Variants in HS3ST1 observed in about 807,000 individuals in gnomAD.
The protein encoded by HS3ST1 is heparan sulfate-glucosamine 3-sulfotransferase 1.
A neutral mutation model predicts 20.7 loss-of-function variants in HS3ST1; 8 were observed. The observed-to-expected ratio is 0.39, with a 90% CI of 0.23 to 0.70. HS3ST1 has a LOEUF of 0.70. Ranked by LOEUF, HS3ST1 falls within the 30% of genes least tolerant of loss-of-function variation. The probability of loss-of-function intolerance (pLI) is 0.46; values close to 1 mark genes in which losing one functional copy is unlikely to be tolerated. For synonymous variants in HS3ST1, 205 were observed against 190.4 expected, an observed-to-expected ratio of 1.08 and a Z score of -0.63; for missense variants, 436 against 423.4, an observed-to-expected ratio of 1.03 and a Z score of -0.26.
rs959097153 is a variant in HS3ST1, at chr4:11,394,605, C to G, written c.*4477G>C. 2 of 152,180 alleles carry G rather than the reference C, an allele frequency of 1.3e-5. No homozygotes were observed. Among genetic ancestry groups the G allele is most frequent in the African/African-American group, 4.8e-5 (2 of 41,428 alleles). The allele number at this position is 152,180 out of a possible 1,614,324, so 9.4% of individuals were successfully genotyped here. A position where few individuals can be genotyped will look rare whatever the true frequency, so the allele number is the denominator to read the frequency against. On this transcript the variant is annotated 3_prime_UTR_variant, in exon 2 of 2. Coordinates refer to ENST00000002596, the MANE Select transcript of HS3ST1 (RefSeq NM_005114.4). ...GCTTGAAGGTAATCTTGATATCACC[C>G]TAACTGTCCAACTCCAAATCCTAGA... is the stretch of plus-strand genomic sequence containing the variant.
intron 1 of HS3ST1, among the ~76,000 whole-genome samples, chr4:11,402,807 TGAG>T: frequency 6.6e-6 from 1 of 152,242 alleles, no homozygotes; most frequent in Non-Finnish European, 1.5e-5. Flanking sequence ...AACTCTAACC[TGAG>T]GCATCCTGGT....
rs754885429 is a variant in HS3ST1 at position 11,398,283 on chromosome 4, G to C, written c.*799C>G. ...CAGGATGAAGACACGCATAGATTTC[G>C]CAGTTTCTCTTTTCTATTCTAATTG... On this transcript the variant is annotated 3_prime_UTR_variant, in exon 2 of 2. Coordinates refer to ENST00000002596, the MANE Select transcript of HS3ST1 (RefSeq NM_005114.4). The C allele has an allele frequency of 1.3e-5, 2 of 152,164 alleles. No individual in the cohort carries two copies. The highest frequency in any genetic ancestry group is 2.9e-5 in the Non-Finnish European group (2 of 68,046). 9.4% of individuals were successfully genotyped at this position (152,164 alleles called of 1,614,324 possible).
chr4:11,414,589 G>A (rs140628758), intron 1 of HS3ST1, among the ~76,000 whole-genome samples: 1 of 152,232 alleles, frequency 6.6e-6, no homozygotes, highest in Non-Finnish European at 1.5e-5. Flanking sequence ...ACCAGCTAGC[G>A]TGAACACTCA....
intron 1 of HS3ST1, among the ~76,000 whole-genome samples, chr4:11,408,950 A>G (rs1718541541): frequency 6.6e-6 from 1 of 152,214 alleles, no homozygotes; most frequent in Non-Finnish European, 1.5e-5. Flanking sequence ...GATGGTGAGT[A>G]CCCACAAATC....
At chr4:11,431,653 A>G (rs1356657062), upstream of HS3ST1, among the ~76,000 whole-genome samples, 1 of 152,220 alleles carries the variant, frequency 6.6e-6, no homozygotes, top group Admixed American at 6.5e-5. Context: ...GAGTTAACAC[A>G]GTTGTAAACT....
chr4:11,401,074 A>C (rs1271240766), intron 1 of HS3ST1, among the ~76,000 whole-genome samples: 1 of 152,224 alleles, frequency 6.6e-6, no homozygotes, highest in Non-Finnish European at 1.5e-5. Context: ...GACTGTAGGC[A>C]TCAGGGAGAT....
rs1383456325 is a variant in HS3ST1 at position 11,399,530 on chromosome 4, TG to T, written c.475del (p.Gln159LysfsTer77). 6.2e-7 allele frequency: 1 copy of T among 1,613,766 alleles called. No individual in the cohort carries two copies. Among genetic ancestry groups the T allele is most frequent in the African/African-American group, 1.3e-5 (1 of 74,898 alleles). On this transcript the variant is annotated frameshift_variant, in exon 2 of 2. Coordinates refer to ENST00000002596, the MANE Select transcript of HS3ST1 (RefSeq NM_005114.4). LOFTEE classifies it high-confidence loss of function. The surrounding 1 kb of genome is among the most constrained non-coding windows in gnomAD (Gnocchi z 5.1). ...PSERVLSDYT[Q>X]VFYNHMQKHK... is the part of the protein sequence containing the mutation. ...CTTCTGCATGTGGTTGTAGAACACT[TG>T]GGTGTAGTCAGATAGCACGCGCTCC...
At chr4:11,431,177 A>G (rs1279444036), upstream of HS3ST1, among the ~76,000 whole-genome samples, 1 of 151,216 alleles carries the variant, frequency 6.6e-6, no homozygotes, top group African/African-American at 2.4e-5. Flanking sequence ...CCTCCATGGT[A>G]TCTGAATCCC....
At chr4:11,402,926 C>T (rs1052296002) in intron 1 of HS3ST1, among the ~76,000 whole-genome samples, 8 of 152,086 alleles carry the variant, frequency 5.3e-5, no homozygotes, top group African/African-American at 9.7e-5. Flanking sequence ...ATAACAACAA[C>T]GTATTGGGAA....
intron 1 of HS3ST1, among the ~76,000 whole-genome samples, chr4:11,420,072 T>A (rs550375075): frequency 6.6e-6 from 1 of 152,342 alleles, no homozygotes; most frequent in African/African-American, 2.4e-5. Flanking sequence ...CATACTGCTG[T>A]TCTACCTTCT....
rs577175892 is a variant in HS3ST1 at position 11,404,280 on chromosome 4, C to T, written c.-108-4167G>A. On this transcript the variant is annotated intron_variant, in intron 1 of 1. Coordinates refer to ENST00000002596, the MANE Select transcript of HS3ST1 (RefSeq NM_005114.4). ...GGTCAGACTGGTCTCGAACTCCTGA[C>T]CTCAAGTGATCCACCTGTTTCGGTC... 5.9e-5 allele frequency among the ~76,000 whole-genome samples: 9 copies of T among 152,264 alleles called. No individual in the cohort carries two copies. In the South Asian group the frequency reaches 1.4e-3, roughly 25 times the overall value.
chr4:11,403,906 A>C (rs1265516748), intron 1 of HS3ST1, among the ~76,000 whole-genome samples: 1 of 152,244 alleles, frequency 6.6e-6, no homozygotes, highest in African/African-American at 2.4e-5. Context: ...GATTACTTTG[A>C]GACTGAAATG....
intron 1 of HS3ST1, among the ~76,000 whole-genome samples, chr4:11,410,153 A>T (rs1224328116): frequency 6.6e-6 from 1 of 152,194 alleles, no homozygotes; most frequent in Non-Finnish European, 1.5e-5. Context: ...GACATCTACG[A>T]TGTTTCTAAA....
intron 1 of HS3ST1, among the ~76,000 whole-genome samples, chr4:11,424,248 T>C (rs1302579581): frequency 6.6e-6 from 1 of 152,112 alleles, no homozygotes; most frequent in Non-Finnish European, 1.5e-5. Context: ...CATAATGTAT[T>C]AGAGAAAAAG....
chr4:11,408,809 G>A (rs1363104742), intron 1 of HS3ST1, among the ~76,000 whole-genome samples: 8 of 152,192 alleles, frequency 5.3e-5, no homozygotes, highest in African/African-American at 1.9e-4. Flanking sequence ...GACAGGACCT[G>A]GGCTGCCTTG....
chr4:11,416,356 GTGAAGGGGCA>G (rs889225847), intron 1 of HS3ST1, among the ~76,000 whole-genome samples: 2 of 152,174 alleles, frequency 1.3e-5, no homozygotes, highest in African/African-American at 2.4e-5. Flanking sequence ...CACGAGAGGT[GTGAAGGGGCA>G]TGAAGGGGCA....
rs917477854 is a variant in HS3ST1, at chr4:11,398,882, A to G, written c.*200T>C. The G allele has an allele frequency of 3.9e-6, 2 of 513,764 alleles. No individual in the cohort carries two copies. Among genetic ancestry groups the G allele is most frequent in the Non-Finnish European group, 6.8e-6 (2 of 296,224 alleles). The allele number at this position is 513,764 out of a possible 1,614,324, so 31.8% of individuals were successfully genotyped here. A position where few individuals can be genotyped will look rare whatever the true frequency, so the allele number is the denominator to read the frequency against. ...TACACAATGTTAACAACCATGAAAA[A>G]CAATACAAAATGCCCTCCATTTAAC... On this transcript the variant is annotated 3_prime_UTR_variant, in exon 2 of 2. Transcript: ENST00000002596.
chr4:11,424,790 T>C (rs1345541605), intron 1 of HS3ST1, among the ~76,000 whole-genome samples: 1 of 149,414 alleles, frequency 6.7e-6, no homozygotes. Context: ...AGGCCCCAGG[T>C]GGGATCATTC....
intron 1 of HS3ST1, among the ~76,000 whole-genome samples, chr4:11,407,227 AAGTC>A (rs1204669156): frequency 6.6e-6 from 1 of 152,226 alleles, no homozygotes; most frequent in African/African-American, 2.4e-5. Flanking sequence ...AAAGGACCGT[AAGTC>A]AGGCCACATA....
Sources: allele counts gnomAD v4.1 joint callset (sites outside exome capture counted in the v4.1 genomes callset), GRCh38; gene constraint gnomAD v4.1.1; non-coding constraint Gnocchi (gnomAD v3.1); transcripts MANE v1.5; gene names NCBI Gene and HGNC (gene_info 2026-07-23, HGNC 2026-07-21).